The following GPR141 variants were observed in gnomAD, a reference collection of about 807,000 sequenced individuals.
The protein encoded by GPR141 is G protein-coupled receptor 141.
In GPR141, 6 loss-of-function variants were observed where a neutral mutation model predicts 6.8. The ratio of observed to expected loss-of-function variants is 0.88; its 90% CI spans 0.48 to 1.74. The LOEUF (loss-of-function observed/expected upper bound fraction) is 1.74. GPR141 is among the 40% of genes most tolerant of loss of function. GPR141 has a pLI of 0.01. For synonymous variants in GPR141, 140 were observed against 142.3 expected, an observed-to-expected ratio of 0.98 and a Z score of 0.11; for missense variants, 372 against 372.9, an observed-to-expected ratio of 1.00 and a Z score of 0.02.
chr7:37,688,967 A>G (rs1271130834), intron 2 of GPR141, among the ~76,000 whole-genome samples: 1 of 152,144 alleles, frequency 6.6e-6, no homozygotes, highest in African/African-American at 2.4e-5. Context: ...GCTTAAATAC[A>G]TTCAGTTTGT....
At chr7:37,690,016 T>C (rs1262091421) in intron 2 of GPR141, among the ~76,000 whole-genome samples, 1 of 152,120 alleles carries the variant, frequency 6.6e-6, no homozygotes, top group Non-Finnish European at 1.5e-5. Context: ...ACTTTTTCGA[T>C]GTAGGCATTT....
intron 2 of GPR141, among the ~76,000 whole-genome samples, chr7:37,732,508 G>A (rs891509975): frequency 2.0e-5 from 3 of 152,080 alleles, no homozygotes; most frequent in Admixed American, 2.0e-4. Flanking sequence ...TCCTGATTAA[G>A]TGTGGACAGA....
At chr7:37,699,696 C>T (rs995311386) in intron 2 of GPR141, among the ~76,000 whole-genome samples, 52 of 152,056 alleles carry the variant, frequency 3.4e-4, no homozygotes, top group African/African-American at 1.1e-3. Flanking sequence ...AACAAGATCC[C>T]AAATGAACTT....
At chr7:37,696,218 A>AT (rs1466873657) in intron 2 of GPR141, among the ~76,000 whole-genome samples, 2 of 152,174 alleles carry the variant, frequency 1.3e-5, no homozygotes, top group Admixed American at 6.5e-5. Flanking sequence ...GTGTTAGATG[A>AT]TTTTGCCCAA....
intron 2 of GPR141, among the ~76,000 whole-genome samples, chr7:37,715,454 TA>T (rs1224220974): frequency 6.6e-6 from 1 of 151,842 alleles, no homozygotes; most frequent in Non-Finnish European, 1.5e-5. Context: ...TTTCCTCCTT[TA>T]AAAAAAACCA....
intron 2 of GPR141, among the ~76,000 whole-genome samples, chr7:37,737,453 T>A (rs1030270751): frequency 6.6e-6 from 1 of 152,184 alleles, no homozygotes; most frequent in Admixed American, 6.5e-5. Flanking sequence ...CATACTACTG[T>A]CTTGTCAAAT....
intron 2 of GPR141, among the ~76,000 whole-genome samples, chr7:37,703,927 A>G (rs1185694560): frequency 1.3e-5 from 2 of 152,152 alleles, no homozygotes; most frequent in African/African-American, 4.8e-5. Flanking sequence ...ATTTTTCAAA[A>G]TGCCTATACA....
At chr7:37,731,868 GC>G (rs955891013) in intron 2 of GPR141, among the ~76,000 whole-genome samples, 1 of 151,918 alleles carries the variant, frequency 6.6e-6, no homozygotes, top group African/African-American at 2.4e-5. Flanking sequence ...CCTCCATTTG[GC>G]CCCATCCTAG....
chr7:37,690,899 T>C (rs1229018817), intron 2 of GPR141, among the ~76,000 whole-genome samples: 1 of 152,234 alleles, frequency 6.6e-6, no homozygotes, highest in East Asian at 1.9e-4. Context: ...TTGGCCATGC[T>C]GAGAACAAAG....
chr7:37,712,846 T>C (rs1401405526), intron 2 of GPR141, among the ~76,000 whole-genome samples: 5 of 152,192 alleles, frequency 3.3e-5, no homozygotes, highest in African/African-American at 1.2e-4. Flanking sequence ...AGGCTGAGTT[T>C]GGTGGCTCTG....
At position 37,724,297 on chromosome 7, in the gene GPR141, A is replaced by AT. The variant is rs200987511; in HGVS notation, c.-14-16074dup. ...AACTGCCTAAAAAATATATATATAC[A>AT]TTTTTTTTTGCTATTAAAAAAACCA... On this transcript the variant is annotated intron_variant, in intron 2 of 2. Transcript: ENST00000334425. Among the ~76,000 whole-genome samples, 1,026 of 150,868 alleles carry AT rather than the reference A, an allele frequency of 6.8e-3. 12 individuals carry two copies. The highest frequency in any genetic ancestry group is 0.023 in the African/African-American group (933 of 41,146).
chr7:37,726,829 A>G (rs186079200), intron 2 of GPR141, among the ~76,000 whole-genome samples: 34 of 152,344 alleles, frequency 2.2e-4, no homozygotes, highest in Non-Finnish European at 7.4e-5. Context: ...TACCAGTAAT[A>G]TCCTTTATAG....
intron 2 of GPR141, among the ~76,000 whole-genome samples, chr7:37,739,523 T>C (rs1422117516): frequency 6.6e-6 from 1 of 152,182 alleles, no homozygotes; most frequent in Non-Finnish European, 1.5e-5. Context: ...GGGAAGCCGT[T>C]GAAGGGATTT....
chr7:37,710,629 G>A (rs1229429980), intron 2 of GPR141, among the ~76,000 whole-genome samples: 1 of 152,054 alleles, frequency 6.6e-6, no homozygotes, highest in African/African-American at 2.4e-5. Flanking sequence ...TTGTTGATTT[G>A]TTGTTGTACT....
chr7:37,702,407 T>TA (rs1810316147), intron 2 of GPR141, among the ~76,000 whole-genome samples: 1 of 152,066 alleles, frequency 6.6e-6, no homozygotes, highest in African/African-American at 2.4e-5. Context: ...TTTAATCAAG[T>TA]AAACTTTTTT....
Position 37,729,097 on chromosome 7 carries a change from G to C in GPR141, c.-14-11283G>C, listed in dbSNP as rs541290931. 2.0e-5 allele frequency among the ~76,000 whole-genome samples: 3 copies of C among 152,268 alleles called. No individual in the cohort carries two copies. The South Asian group carries it at 6.2e-4, about 32-fold the overall frequency. ...GTCACAGCTCGAGGCTGAAGGAAGG[G>C]GGTTAGAGAGGAGGTGTCCCTTGAA... On this transcript the variant is annotated intron_variant, in intron 2 of 2. Coordinates refer to ENST00000334425, the MANE Select transcript of GPR141 (RefSeq NM_001381946.1).
At chr7:37,717,963 G>A (rs912561960) in intron 2 of GPR141, among the ~76,000 whole-genome samples, 9 of 152,116 alleles carry the variant, frequency 5.9e-5, no homozygotes, top group Non-Finnish European at 1.2e-4. Flanking sequence ...ATTGCCTTGC[G>A]AAGTATTCTT....
intron 2 of GPR141, among the ~76,000 whole-genome samples, chr7:37,719,281 C>T (rs538161057): frequency 6.6e-6 from 1 of 152,272 alleles, no homozygotes; most frequent in South Asian, 2.1e-4. Flanking sequence ...GATATGACTG[C>T]AAAAGCCAGG....
rs1261805750 is a variant in GPR141, at chr7:37,742,882, T to C, written c.*1571T>C. Among the ~76,000 whole-genome samples, 1 of 152,136 alleles carries C rather than the reference T, an allele frequency of 6.6e-6. No homozygotes were observed. The highest frequency in any genetic ancestry group is 1.5e-5 in the Non-Finnish European group (1 of 68,010). Reference sequence around the variant, plus strand: ...TTAAAGTAATAATAATAAAATAATATGGATTTTCTTTCCAAATTCGGAATT... The same window carrying C: ...TTAAAGTAATAATAATAAAATAATACGGATTTTCTTTCCAAATTCGGAATT... On this transcript the variant is annotated 3_prime_UTR_variant, in exon 3 of 3. Coordinates refer to ENST00000334425, the MANE Select transcript of GPR141 (RefSeq NM_001381946.1).
Sources: allele counts gnomAD v4.1 joint callset (sites outside exome capture counted in the v4.1 genomes callset), GRCh38; gene constraint gnomAD v4.1.1; transcripts MANE v1.5; gene names NCBI Gene and HGNC (gene_info 2026-07-23, HGNC 2026-07-21).